The following LRRC7 variants were observed in gnomAD, a reference collection of about 807,000 sequenced individuals.
LRRC7 encodes leucine rich repeat containing 7.
A neutral mutation model predicts 175.7 loss-of-function variants in LRRC7; 23 were observed. The observed-to-expected ratio is 0.13, with a 90% CI of 0.09 to 0.19. The LOEUF is 0.19. LRRC7 is among the 10% of genes least tolerant of loss of function. LRRC7 has a pLI of 1.00. For missense variants in LRRC7, 1,354 were observed against 1,904.7 expected (o/e 0.71, Z 5.38); for synonymous variants, 685 against 680.9 (o/e 1.01, Z -0.09).
intron 7 of LRRC7, among the ~76,000 whole-genome samples, chr1:69,853,808 C>T (rs903252784): frequency 8.5e-5 from 13 of 152,118 alleles, no homozygotes; most frequent in Non-Finnish European, 1.5e-4. Context: ...ATCCTTGCTT[C>T]GGTTGTAATT....
intron 2 of LRRC7, among the ~76,000 whole-genome samples, chr1:69,716,512 T>G (rs144958670): frequency 6.6e-6 from 1 of 151,986 alleles, no homozygotes; most frequent in Non-Finnish European, 1.5e-5. Context: ...ACTTATTCCT[T>G]CATAAAAAGA....
At chr1:69,923,683 T>C (rs1416687435) in intron 7 of LRRC7, among the ~76,000 whole-genome samples, 2 of 152,150 alleles carry the variant, frequency 1.3e-5, no homozygotes, top group East Asian at 3.8e-4. Context: ...TTTGAGTTCA[T>C]TGTAGATTCT....
intron 2 of LRRC7, among the ~76,000 whole-genome samples, chr1:69,722,469 T>G (rs949492247): frequency 6.6e-5 from 10 of 152,002 alleles, no homozygotes; most frequent in African/African-American, 2.2e-4. Flanking sequence ...AATGTTGCCT[T>G]GCATACAGCT....
At chr1:69,669,996 ATTTC>A (rs201453318) in intron 1 of LRRC7, among the ~76,000 whole-genome samples, 2,592 of 152,180 alleles carry the variant, frequency 0.017, 36 homozygotes, top group Non-Finnish European at 0.029. Flanking sequence ...GTTACCTTGA[ATTTC>A]TTTGAGTTTC....
rs772640586 is a variant in LRRC7 at position 70,039,248 on chromosome 1, G to T, written c.3424G>T (p.Ala1142Ser). The T allele has an allele frequency of 3.7e-6, 6 of 1,611,752 alleles. No homozygotes were observed. The highest frequency in any genetic ancestry group is 5.1e-6 in the Non-Finnish European group (6 of 1,179,686). ...NEDAVVNAQF[A>S]SQGARAGFLR... The stretch of plus-strand genomic sequence containing the variant: ...GGATGCTGTGGTGAATGCCCAGTTC[G>T]CAAGCCAAGGGGCCAGGGCGGGCTT... Residue 1142 changes from alanine to serine, a missense_variant, in exon 21 of 27, where the codon GCA becomes TCA. Ala to Ser is a moderately conservative substitution (Grantham distance 99, BLOSUM62 1). Coordinates refer to ENST00000651989, the MANE Select transcript of LRRC7 (RefSeq NM_001370785.2).
intron 1 of LRRC7, among the ~76,000 whole-genome samples, chr1:69,641,183 C>G (rs1037183580): frequency 5.3e-5 from 8 of 151,626 alleles, no homozygotes; most frequent in Non-Finnish European, 1.0e-4. Flanking sequence ...AACAACAGTA[C>G]TCAAAACAAT....
At chr1:69,880,275 A>G (rs1686466070) in intron 7 of LRRC7, among the ~76,000 whole-genome samples, 1 of 152,158 alleles carries the variant, frequency 6.6e-6, no homozygotes, top group African/African-American at 2.4e-5. Flanking sequence ...TCAAAGGAGG[A>G]GAATTATTCT....
chr1:69,930,292 T>C (rs937489358), intron 7 of LRRC7, among the ~76,000 whole-genome samples: 1 of 152,194 alleles, frequency 6.6e-6, no homozygotes, highest in South Asian at 2.1e-4. Flanking sequence ...GAGTACATAA[T>C]TTTTTTGCAT....
rs577047180 is a variant in LRRC7 at position 70,125,791 on chromosome 1, CAAAAAAAAAAAAA to C, written c.*3913_*3925del. On this transcript the variant is annotated 3_prime_UTR_variant, in exon 27 of 27. Coordinates refer to ENST00000651989, the MANE Select transcript of LRRC7 (RefSeq NM_001370785.2). The stretch of plus-strand genomic sequence containing the variant: ...TGGGCGACAGAGCGAGACTCCGTCT[CAAAAAAAAAAAAA>C]AAAAAAAAGAGAAGATTCAGAGGGG... 6.9e-5 allele frequency among the ~76,000 whole-genome samples: 6 copies of C among 87,260 alleles called. No individual in the cohort carries two copies. The highest frequency in any genetic ancestry group is 2.6e-4 in the African/African-American group (6 of 22,702). The allele number at this position is 87,260 out of a possible 152,430, so 57.2% of individuals were successfully genotyped here.
intron 22 of LRRC7, among the ~76,000 whole-genome samples, chr1:70,046,177 A>G (rs1349475450): frequency 1.3e-5 from 2 of 152,102 alleles, no homozygotes; most frequent in African/African-American, 4.8e-5. Context: ...GACAATATAG[A>G]TATATACAGT....
At chr1:70,098,980 C>A (rs1277687769) in intron 25 of LRRC7, among the ~76,000 whole-genome samples, 1 of 152,114 alleles carries the variant, frequency 6.6e-6, no homozygotes, top group Non-Finnish European at 1.5e-5. Context: ...ATGAGGCCAG[C>A]ATCATTCTGA....
At chr1:69,741,132 A>G (rs1004573285) in intron 2 of LRRC7, among the ~76,000 whole-genome samples, 8 of 151,986 alleles carry the variant, frequency 5.3e-5, no homozygotes, top group Non-Finnish European at 1.2e-4. Flanking sequence ...ATGACATGGA[A>G]AGTGCTGAGC....
intron 2 of LRRC7, among the ~76,000 whole-genome samples, chr1:69,696,420 G>T (rs750376041): frequency 6.6e-6 from 1 of 152,110 alleles, no homozygotes; most frequent in Non-Finnish European, 1.5e-5. Context: ...TAATTTACAG[G>T]CTCATAGGAG....
chr1:69,707,852 A>G (rs1004449423), intron 2 of LRRC7, among the ~76,000 whole-genome samples: 5 of 152,172 alleles, frequency 3.3e-5, no homozygotes, highest in Admixed American at 6.5e-5. Flanking sequence ...GGTGAGATGC[A>G]GATTTCATTT....
At chr1:70,022,032 T>C (rs549214921) in intron 16 of LRRC7, among the ~76,000 whole-genome samples, 165 of 152,286 alleles carry the variant, frequency 1.1e-3, no homozygotes, top group African/African-American at 3.9e-3. Flanking sequence ...TTCCACATTT[T>C]CTAAACTTTA....
chr1:70,141,317 A>G lies in LRRC7; in HGVS notation c.*19430A>G, dbSNP rs1158388880. On this transcript the variant is annotated 3_prime_UTR_variant, in exon 27 of 27. Coordinates refer to ENST00000651989, the MANE Select transcript of LRRC7 (RefSeq NM_001370785.2). Reference sequence around the variant, plus strand: ...TAAGTCAGTAGAAAGGGAGCCTGCAAATGAGACAATAGCTTCATGCAGACT... The same window carrying G: ...TAAGTCAGTAGAAAGGGAGCCTGCAGATGAGACAATAGCTTCATGCAGACT... The G allele has an allele frequency of 1.3e-5, 2 of 152,120 alleles. No individual in the cohort carries two copies. The highest frequency in any genetic ancestry group is 3.8e-4 in the East Asian group (2 of 5,196). The allele number at this position is 152,120 out of a possible 1,614,324, so 9.4% of individuals were successfully genotyped here.
chr1:69,994,108 A>G (rs1428053655), intron 10 of LRRC7, among the ~76,000 whole-genome samples: 7 of 152,194 alleles, frequency 4.6e-5, no homozygotes, highest in African/African-American at 4.8e-5. Context: ...CTGCATTGCA[A>G]TACTTCAGTA....
chr1:69,753,196 G>T lies in LRRC7; in HGVS notation c.101-6995G>T, dbSNP rs565863699. On this transcript the variant is annotated intron_variant, in intron 2 of 26. Transcript: ENST00000651989. ...TATGCTCATCCTTTTGATATTAAAA[G>T]ATCACTGGATAAGCAAATTGTTTCC... is the stretch of plus-strand genomic sequence containing the variant. Among the ~76,000 whole-genome samples the T allele has an allele frequency of 5.3e-5, 8 of 151,952 alleles. No individual in the cohort carries two copies. In the South Asian group the frequency reaches 1.7e-3, roughly 32 times the overall value.
At chr1:69,769,438 T>A (rs1027819142) in intron 3 of LRRC7, among the ~76,000 whole-genome samples, 2 of 149,558 alleles carry the variant, frequency 1.3e-5, no homozygotes, top group Admixed American at 1.3e-4. Context: ...AATATTACAA[T>A]TAGAAAATTT....
Sources: allele counts gnomAD v4.1 joint callset (sites outside exome capture counted in the v4.1 genomes callset), GRCh38; gene constraint gnomAD v4.1.1; transcripts MANE v1.5; gene names NCBI Gene and HGNC (gene_info 2026-07-23, HGNC 2026-07-21).